The following CARMIL1 variants were observed in gnomAD, a reference collection of about 807,000 sequenced individuals.
The protein encoded by CARMIL1 is capping protein regulator and myosin 1 linker 1.
Under a neutral mutation model 177.1 loss-of-function variants are expected in CARMIL1, and 90 were observed. The ratio of observed to expected loss-of-function variants is 0.51; its 90% CI spans 0.43 to 0.61. The LOEUF (loss-of-function observed/expected upper bound fraction) is 0.61. Among genes scored for constraint, CARMIL1 ranks in the 20% least tolerant of loss-of-function variants. The probability of loss-of-function intolerance (pLI) is 0.00; values close to 1 mark genes in which losing one functional copy is unlikely to be tolerated. For synonymous variants in CARMIL1, 577 were observed against 606.2 expected (o/e 0.95, Z 0.71); for missense variants, 1,380 against 1,667.0 (o/e 0.83, Z 3.00).
chr6:25,585,727 G>A (rs1813581992), intron 31 of CARMIL1, among the ~76,000 whole-genome samples: 1 of 152,048 alleles, frequency 6.6e-6, no homozygotes, highest in African/African-American at 2.4e-5. Context: ...CTGGGTACTT[G>A]AGATTAGGGA....
At chr6:25,413,516 A>G (rs1795097833) in intron 2 of CARMIL1, among the ~76,000 whole-genome samples, 1 of 152,254 alleles carries the variant, frequency 6.6e-6, no homozygotes, top group South Asian at 2.1e-4. Flanking sequence ...CTCCATAAGA[A>G]AACATAGGCT....
At chr6:25,544,482 T>G (rs1809232252) in intron 26 of CARMIL1, among the ~76,000 whole-genome samples, 1 of 151,996 alleles carries the variant, frequency 6.6e-6, no homozygotes, top group South Asian at 2.1e-4. Flanking sequence ...AATAATACTT[T>G]AAACTTTAGA....
In CARMIL1 at chr6:25,491,809, G is replaced by A; in HGVS notation, c.1143G>A (p.Met381Ile). The A allele has an allele frequency of 6.3e-7, 1 of 1,583,516 alleles. No homozygotes were observed. The highest frequency in any genetic ancestry group is 1.4e-5 in the African/African-American group (1 of 73,668). Residue 381 changes from methionine to isoleucine, a missense_variant and splice_region_variant, in exon 14 of 37, where the codon ATG (methionine) becomes ATA (isoleucine). Physicochemically the swap from Met to Ile is conservative, Grantham distance 10. Transcript: ENST00000329474. The stretch of plus-strand genomic sequence containing the variant: ...CCAATACAGAATGTTCCCTGGACAT[G>A]GTAAATTTAAAATATATATATATCT... ...DLSNTECSLDMVCGALLRGCL... is the reference protein window; with the variant it reads ...DLSNTECSLDIVCGALLRGCL...
At chr6:25,342,714 A>G (rs957987986) in intron 2 of CARMIL1, among the ~76,000 whole-genome samples, 84 of 152,140 alleles carry the variant, frequency 5.5e-4, no homozygotes, top group African/African-American at 1.7e-3. Flanking sequence ...GATGATTTTT[A>G]TAAGGGTATT....
At chr6:25,523,614 G>A (rs1012225648) in intron 23 of CARMIL1, among the ~76,000 whole-genome samples, 3 of 152,090 alleles carry the variant, frequency 2.0e-5, no homozygotes, top group Non-Finnish European at 2.9e-5. Flanking sequence ...CCAGGTTTCT[G>A]GTTTCAGATT....
intron 11 of CARMIL1, among the ~76,000 whole-genome samples, chr6:25,477,511 A>G (rs1801684996): frequency 6.6e-6 from 1 of 152,140 alleles, no homozygotes; most frequent in African/African-American, 2.4e-5. Context: ...TTGCCAGGCC[A>G]TGCCTGTTCA....
intron 2 of CARMIL1, among the ~76,000 whole-genome samples, chr6:25,399,246 A>G (rs908114430): frequency 2.0e-5 from 3 of 152,226 alleles, no homozygotes; most frequent in South Asian, 2.1e-4. Flanking sequence ...CTGCACGGCT[A>G]CTATGACAGT....
At chr6:25,465,786 T>G in intron 8 of CARMIL1, 87 bp from the exon 9 acceptor site, 1 of 795,038 alleles carries the variant, frequency 1.3e-6, no homozygotes, top group South Asian at 1.5e-5. Flanking sequence ...AATTAACAGG[T>G]GAACTTGGAT....
intron 2 of CARMIL1, among the ~76,000 whole-genome samples, chr6:25,371,148 T>A (rs1170293805): frequency 6.6e-6 from 1 of 152,232 alleles, no homozygotes; most frequent in Non-Finnish European, 1.5e-5. Context: ...CACATTTTCT[T>A]TATCCATTCA....
chr6:25,473,230 T>C (rs1411839057), intron 11 of CARMIL1, among the ~76,000 whole-genome samples: 1 of 152,186 alleles, frequency 6.6e-6, no homozygotes, highest in African/African-American at 2.4e-5. Context: ...CTGTTTTTCA[T>C]GAACTCAAAG....
chr6:25,482,380 AAT>A (rs1802202174), intron 12 of CARMIL1, 37 bp downstream of exon 12: 1 of 988,910 alleles, frequency 1.0e-6, no homozygotes, highest in South Asian at 1.6e-5. Context: ...GTGTGTCTGA[AAT>A]ATTTCTGCTG....
chr6:25,492,579 G>C (rs1803352231), intron 15 of CARMIL1, among the ~76,000 whole-genome samples: 1 of 152,170 alleles, frequency 6.6e-6, no homozygotes, highest in South Asian at 2.1e-4. Context: ...ATTATGAAAA[G>C]TACATGGGTT....
intron 2 of CARMIL1, among the ~76,000 whole-genome samples, chr6:25,399,938 A>G (rs1306250001): frequency 6.6e-6 from 1 of 152,160 alleles, no homozygotes; most frequent in Non-Finnish European, 1.5e-5. Context: ...CACGACACTT[A>G]TAGGAGGTAG....
At chr6:25,409,557 G>A (rs6912426) in intron 2 of CARMIL1, among the ~76,000 whole-genome samples, 47,582 of 151,892 alleles carry the variant, frequency 0.31, 7,750 homozygotes, top group Middle Eastern at 0.4. Flanking sequence ...TGACTCTAAA[G>A]CTCATGTTCT....
At chr6:25,351,157 T>C (rs1004512795) in intron 2 of CARMIL1, among the ~76,000 whole-genome samples, 10 of 152,226 alleles carry the variant, frequency 6.6e-5, no homozygotes, top group African/African-American at 2.4e-4. Flanking sequence ...TGAAATATGC[T>C]AGTCTACATT....
intron 11 of CARMIL1, among the ~76,000 whole-genome samples, chr6:25,472,924 A>G (rs577558947): frequency 6.6e-6 from 1 of 152,238 alleles, no homozygotes; most frequent in Non-Finnish European, 1.5e-5. Context: ...GTTGTCAGCA[A>G]GGGTTGTGCT....
At chr6:25,309,286 T>C (rs1189387142) in intron 2 of CARMIL1, among the ~76,000 whole-genome samples, 1 of 138,650 alleles carries the variant, frequency 7.2e-6, no homozygotes. Flanking sequence ...AGTTGGGAGG[T>C]GGAGGTTGCA....
Position 25,474,611 on chromosome 6 carries a change from C to A in CARMIL1, c.874+2090C>A, listed in dbSNP as rs549882451. On this transcript the variant is annotated intron_variant, in intron 11 of 36. Transcript: ENST00000329474. ...GACTGAATTAGAAAACTAGATCACGCAAAAAGTACCCTCATAGAATAAGCC... is the reference window on the plus strand; with the variant it reads ...GACTGAATTAGAAAACTAGATCACGAAAAAAGTACCCTCATAGAATAAGCC... Among the ~76,000 whole-genome samples the A allele has an allele frequency of 5.6e-4, 85 of 152,234 alleles. No homozygotes were observed. In the South Asian group the frequency reaches 9.5e-3, roughly 17 times the overall value.
chr6:25,383,162 G>A (rs928310940), intron 2 of CARMIL1, among the ~76,000 whole-genome samples: 1 of 152,138 alleles, frequency 6.6e-6, no homozygotes, highest in Non-Finnish European at 1.5e-5. Context: ...ATGTCACAGT[G>A]TCACAGAAAA....
Sources: allele counts gnomAD v4.1 joint callset (sites outside exome capture counted in the v4.1 genomes callset), GRCh38; gene constraint gnomAD v4.1.1; transcripts MANE v1.5; gene names NCBI Gene and HGNC (gene_info 2026-07-23, HGNC 2026-07-21).